Variants in LMO1 observed in about 807,000 individuals in gnomAD.
LMO1 encodes the protein LIM domain only 1, also known as rhombotin-1.
A neutral mutation model predicts 18.0 loss-of-function variants in LMO1; 10 were observed. The observed-to-expected ratio is 0.55, with a 90% CI of 0.34 to 0.94. LMO1 has a LOEUF of 0.94. Ranked by LOEUF, LMO1 falls within the 40% of genes least tolerant of loss-of-function variation. LMO1 has a pLI of 0.02. For synonymous variants in LMO1, 77 were observed against 77.9 expected (o/e 0.99, Z 0.06); for missense variants, 183 against 205.7 (o/e 0.89, Z 0.68).
At chr11:8,225,822 G>A (rs1008704945) in intron 3 of LMO1, among the ~76,000 whole-genome samples, 2 of 152,216 alleles carry the variant, frequency 1.3e-5, no homozygotes, top group South Asian at 4.1e-4. Flanking sequence ...AGCCAGACCA[G>A]CGTTCCCTGT....
chr11:8,247,575 G>C (rs561955184), intron 1 of LMO1, among the ~76,000 whole-genome samples: 1 of 152,374 alleles, frequency 6.6e-6, no homozygotes, highest in South Asian at 2.1e-4. Context: ...TAGTCACAGC[G>C]GCTCAGGCCT....
intron 1 of LMO1, among the ~76,000 whole-genome samples, chr11:8,232,627 T>C (rs1355233044): frequency 1.3e-5 from 2 of 152,162 alleles, no homozygotes. Context: ...AGGCCCCCGC[T>C]ACAGCCCCTA....
intron 1 of LMO1, among the ~76,000 whole-genome samples, chr11:8,241,614 C>T (rs1426536970): frequency 6.6e-6 from 1 of 152,222 alleles, no homozygotes; most frequent in African/African-American, 2.4e-5. Context: ...GCCTCTGCCT[C>T]TGCATATACT....
chr11:8,235,011 G>A (rs1952737035), intron 1 of LMO1, among the ~76,000 whole-genome samples: 1 of 152,314 alleles, frequency 6.6e-6, no homozygotes, highest in Admixed American at 6.5e-5. Flanking sequence ...TGGCATGTGT[G>A]TACTGGGAGC....
At chr11:8,244,708 C>T (rs777555883) in intron 1 of LMO1, among the ~76,000 whole-genome samples, 28 of 152,250 alleles carry the variant, frequency 1.8e-4, no homozygotes, top group Admixed American at 3.3e-4. Context: ...CAGGCATCTG[C>T]AGGCTGGCCT....
chr11:8,230,554 G>A, intron 1 of LMO1, 50 bp from the exon 2 acceptor site: 1 of 1,561,280 alleles, frequency 6.4e-7, no homozygotes, highest in Non-Finnish European at 8.7e-7. Context: ...CGTAGCTCTG[G>A]GCCTCAAGGA....
At chr11:8,251,521 C>T (rs917964553) in intron 1 of LMO1, among the ~76,000 whole-genome samples, 3 of 152,206 alleles carry the variant, frequency 2.0e-5, no homozygotes, top group Admixed American at 6.5e-5. Flanking sequence ...ACCTCCTCTG[C>T]GGGTATCATC....
Position 8,263,666 on chromosome 11 carries a change from T to A in LMO1, c.-304A>T, listed in dbSNP as rs770101674. ...AGAGGATCAGAGCCGTTTCTTTGAT[T>A]CTCACCTTCTAAATGGCTCAATTTG... On this transcript the variant is annotated 5_prime_UTR_variant, in exon 1 of 4. Transcript: ENST00000335790. The A allele has an allele frequency of 1.2e-5, 15 of 1,299,664 alleles. No homozygotes were observed. The highest frequency in any genetic ancestry group is 1.5e-5 in the Non-Finnish European group (15 of 1,026,414). 80.5% of individuals were successfully genotyped at this position (1,299,664 alleles called of 1,614,324 possible).
intron 1 of LMO1, among the ~76,000 whole-genome samples, chr11:8,252,403 T>G (rs1435052981): frequency 6.6e-6 from 1 of 152,100 alleles, no homozygotes; most frequent in Non-Finnish European, 1.5e-5. Context: ...GAGGCTGGCC[T>G]CTCATGGCAG....
At chr11:8,267,489 A>T (rs1467157679), upstream of LMO1, among the ~76,000 whole-genome samples, 1 of 152,150 alleles carries the variant, frequency 6.6e-6, no homozygotes, top group Non-Finnish European at 1.5e-5. Context: ...TCAGGCACTA[A>T]GGGATTGTCC....
chr11:8,263,680 T>A lies in LMO1; in HGVS notation c.-318A>T. ...GTTTCTTTGATTCTCACCTTCTAAA[T>A]GGCTCAATTTGCCCAGTATAATCTG... On this transcript the variant is annotated 5_prime_UTR_variant, in exon 1 of 4. Coordinates refer to ENST00000335790, the MANE Select transcript of LMO1 (RefSeq NM_002315.3). 2 of 1,261,506 alleles carry A rather than the reference T, an allele frequency of 1.6e-6. No homozygotes were observed. The highest frequency in any genetic ancestry group is 1.0e-6 in the Non-Finnish European group (1 of 1,002,548). The allele number at this position is 1,261,506 out of a possible 1,614,324, so 78.1% of individuals were successfully genotyped here.
chr11:8,224,446 C>G lies in LMO1; in HGVS notation c.*170G>C. The G allele has an allele frequency of 1.7e-6, 1 of 592,748 alleles. No homozygotes were observed. Among genetic ancestry groups the G allele is most frequent in the South Asian group, 2.0e-5 (1 of 49,808 alleles). 36.7% of individuals were successfully genotyped at this position (592,748 alleles called of 1,614,324 possible). ...GGCCCCAGGAGGGGTCACACACAGACGGGCGGTGGTGGAGGAGGAAGGGCC... is the reference window on the plus strand; with the variant it reads ...GGCCCCAGGAGGGGTCACACACAGAGGGGCGGTGGTGGAGGAGGAAGGGCC... On this transcript the variant is annotated 3_prime_UTR_variant, in exon 4 of 4. Coordinates refer to ENST00000335790, the MANE Select transcript of LMO1 (RefSeq NM_002315.3).
At chr11:8,235,146 C>CA (rs397828157) in intron 1 of LMO1, among the ~76,000 whole-genome samples, 1 of 152,032 alleles carries the variant, frequency 6.6e-6, no homozygotes, top group African/African-American at 2.4e-5. Flanking sequence ...AACAGTCACC[C>CA]CAGGATACCA....
At chr11:8,253,799 C>T (rs1274335695) in intron 1 of LMO1, among the ~76,000 whole-genome samples, 1 of 152,104 alleles carries the variant, frequency 6.6e-6, no homozygotes, top group African/African-American at 2.4e-5. Flanking sequence ...GGGTACCCCA[C>T]GAATTTTTCC....
upstream of LMO1, chr11:8,263,902 A>T (rs1847233033): frequency 2.9e-6 from 3 of 1,027,764 alleles, no homozygotes; most frequent in African/African-American, 5.1e-5. Context: ...CTGCTACTGC[A>T]TAAATGCACA....
intron 2 of LMO1, 106 bp downstream of exon 2, chr11:8,230,185 C>T (rs1952627313): frequency 9.3e-6 from 9 of 971,740 alleles, no homozygotes; most frequent in East Asian, 2.4e-5. Context: ...TGAGAGGACA[C>T]ACAGGGTACT....
intron 1 of LMO1, among the ~76,000 whole-genome samples, chr11:8,246,071 C>A (rs1236243546): frequency 2.0e-5 from 3 of 152,180 alleles, no homozygotes; most frequent in Non-Finnish European, 4.4e-5. Context: ...AGGGAGCCAT[C>A]CCCGTGATCC....
intron 1 of LMO1, among the ~76,000 whole-genome samples, chr11:8,245,537 C>G (rs2134558460): frequency 6.6e-6 from 1 of 152,290 alleles, no homozygotes; most frequent in Middle Eastern, 3.4e-3. Context: ...AAGATCCGTA[C>G]TAACCCCACT....
At chr11:8,251,334 T>A (rs1208748002) in intron 1 of LMO1, among the ~76,000 whole-genome samples, 2 of 152,004 alleles carry the variant, frequency 1.3e-5, no homozygotes, top group African/African-American at 4.8e-5. Context: ...TTTATGGGAG[T>A]GCTCCAGCCC....
Sources: allele counts gnomAD v4.1 joint callset (sites outside exome capture counted in the v4.1 genomes callset), GRCh38; gene constraint gnomAD v4.1.1; transcripts MANE v1.5; gene names NCBI Gene and HGNC (gene_info 2026-07-23, HGNC 2026-07-21).